MAP2K6: variants seen among roughly 807,000 people sequenced by gnomAD.
MAP2K6 encodes the protein mitogen-activated protein kinase kinase 6, also known as dual specificity mitogen-activated protein kinase kinase 6.
In MAP2K6, 16 loss-of-function variants were observed where a neutral mutation model predicts 53.7. The ratio of observed to expected loss-of-function variants is 0.30; its 90% CI spans 0.20 to 0.45. MAP2K6 has a LOEUF of 0.45. MAP2K6 is among the 20% of genes least tolerant of loss of function. The pLI is 1.00. For synonymous variants in MAP2K6, 132 were observed against 143.1 expected (o/e 0.92, Z 0.55); for missense variants, 204 against 411.9 (o/e 0.50, Z 4.37).
rs189749939 is a variant in MAP2K6, at chr17:69,538,340, A to C, written c.927+2180A>C. On this transcript the variant is annotated intron_variant, in intron 11 of 11. Coordinates refer to ENST00000590474, the MANE Select transcript of MAP2K6 (RefSeq NM_002758.4). ...GCTGATGTCAAATTCTACATTTGTA[A>C]TATGTTCTAACCCTGTGATATTTTA... is the stretch of plus-strand genomic sequence containing the variant. Among the ~76,000 whole-genome samples the C allele has an allele frequency of 7.9e-5, 12 of 152,356 alleles. No homozygotes were observed. In the East Asian group the frequency reaches 2.3e-3, roughly 29 times the overall value.
At chr17:69,539,264 T>G (rs1423886450) in intron 11 of MAP2K6, among the ~76,000 whole-genome samples, 1 of 152,186 alleles carries the variant, frequency 6.6e-6, no homozygotes, top group Non-Finnish European at 1.5e-5. Context: ...TGTTCACGGA[T>G]CTCCATGTTT....
intron 1 of MAP2K6, among the ~76,000 whole-genome samples, chr17:69,488,286 G>A (rs184868303): frequency 1.3e-5 from 2 of 152,298 alleles, no homozygotes; most frequent in African/African-American, 4.8e-5. Context: ...TGCTGGTGAG[G>A]CTGTAGAGAA....
At chr17:69,458,093 G>T (rs1353593273) in intron 1 of MAP2K6, among the ~76,000 whole-genome samples, 1 of 151,568 alleles carries the variant, frequency 6.6e-6, no homozygotes, top group Admixed American at 6.6e-5. Flanking sequence ...TTGCTCTGTC[G>T]CCCAGGCTGG....
intron 1 of MAP2K6, among the ~76,000 whole-genome samples, chr17:69,490,798 A>G (rs186375617): frequency 1.4e-4 from 22 of 151,998 alleles, no homozygotes; most frequent in Admixed American, 1.2e-3. Context: ...GATTTGTTGT[A>G]CAGATTATTT....
At chr17:69,512,426 G>A (rs139789450) in intron 2 of MAP2K6, among the ~76,000 whole-genome samples, 4,455 of 133,932 alleles carry the variant, frequency 0.033, 193 homozygotes, top group African/African-American at 0.1. Flanking sequence ...CACAACCTCC[G>A]CCTCTTGGGT....
chr17:69,456,785 A>C (rs1464485761), intron 1 of MAP2K6, among the ~76,000 whole-genome samples: 1 of 152,078 alleles, frequency 6.6e-6, no homozygotes, highest in Admixed American at 6.6e-5. Context: ...CTCTTACCCC[A>C]CCTGCCCTTA....
intron 1 of MAP2K6, among the ~76,000 whole-genome samples, chr17:69,443,010 C>A (rs1481904003): frequency 6.6e-6 from 1 of 152,070 alleles, no homozygotes; most frequent in Non-Finnish European, 1.5e-5. Context: ...CCAGAATTTT[C>A]CTGCTTGATT....
chr17:69,536,346 G>A (rs940797061), intron 11 of MAP2K6, among the ~76,000 whole-genome samples, 186 bp downstream of exon 11: 1 of 152,280 alleles, frequency 6.6e-6, no homozygotes, highest in Non-Finnish European at 1.5e-5. Flanking sequence ...AACATAGGTT[G>A]GGACCTGTCA....
At chr17:69,422,493 T>C (rs562452036) in intron 1 of MAP2K6, among the ~76,000 whole-genome samples, 1 of 152,296 alleles carries the variant, frequency 6.6e-6, no homozygotes, top group Non-Finnish European at 1.5e-5. Flanking sequence ...ATTTGCAGCA[T>C]CCCTGTCATC....
At position 69,520,252 on chromosome 17, in the gene MAP2K6, G is replaced by C. The variant is rs1598306418; in HGVS notation, c.367-18G>C. On this transcript the variant is annotated intron_variant, in intron 5 of 11. Transcript: ENST00000590474. ...TTTTTCATCCTTTTAAACAATTCCT[G>C]AAACAATTGGTCTCCAGGGTGATGT... is the stretch of plus-strand genomic sequence containing the variant. 7.9e-7 allele frequency: 1 copy of C among 1,270,998 alleles called. No individual in the cohort carries two copies. The highest frequency in any genetic ancestry group is 2.4e-5 in the East Asian group (1 of 41,424). 78.7% of individuals were successfully genotyped at this position (1,270,998 alleles called of 1,614,324 possible). A position where few individuals can be genotyped will look rare whatever the true frequency, so the allele number is the denominator to read the frequency against.
At chr17:69,498,914 G>A (rs569464630) in intron 1 of MAP2K6, among the ~76,000 whole-genome samples, 12 of 152,324 alleles carry the variant, frequency 7.9e-5, no homozygotes, top group South Asian at 2.1e-4. Context: ...AGCCTGCTAG[G>A]CAGGAGAGAT....
At chr17:69,513,030 G>A (rs1268017364) in intron 2 of MAP2K6, among the ~76,000 whole-genome samples, 1 of 152,160 alleles carries the variant, frequency 6.6e-6, no homozygotes, top group Non-Finnish European at 1.5e-5. Flanking sequence ...TCTTTCCCCA[G>A]AGGACTAAAA....
At chr17:69,469,654 T>C (rs1907922456) in intron 1 of MAP2K6, among the ~76,000 whole-genome samples, 1 of 151,806 alleles carries the variant, frequency 6.6e-6, no homozygotes, top group Admixed American at 6.6e-5. Flanking sequence ...TCCCAGCTAT[T>C]TGGGAGGCTG....
chr17:69,541,803 G>A lies in MAP2K6; in HGVS notation c.*50G>A, dbSNP rs757912579. ...CCCTACTGTGGATTGGTGGGTTTCGGGGTGAAGCAAGTTCACTACAGCATC... is the reference window on the plus strand; with the variant it reads ...CCCTACTGTGGATTGGTGGGTTTCGAGGTGAAGCAAGTTCACTACAGCATC... On this transcript the variant is annotated 3_prime_UTR_variant, in exon 12 of 12. Transcript: ENST00000590474. The A allele has an allele frequency of 2.8e-6, 4 of 1,427,030 alleles. No individual in the cohort carries two copies. The South Asian group carries it at 3.5e-5, about 12-fold the overall frequency. The allele number at this position is 1,427,030 out of a possible 1,614,324, so 88.4% of individuals were successfully genotyped here.
chr17:69,438,326 G>A (rs969755716), intron 1 of MAP2K6, among the ~76,000 whole-genome samples: 1 of 152,110 alleles, frequency 6.6e-6, no homozygotes, highest in African/African-American at 2.4e-5. Context: ...TGGTTACCTT[G>A]GGTTTGGCTT....
At chr17:69,531,168 G>A (rs1393045159) in intron 10 of MAP2K6, among the ~76,000 whole-genome samples, 2 of 151,862 alleles carry the variant, frequency 1.3e-5, no homozygotes, top group African/African-American at 2.4e-5. Context: ...GGGAGACTAC[G>A]GATTTCAAAA....
intron 1 of MAP2K6, among the ~76,000 whole-genome samples, chr17:69,469,756 C>T (rs1284200554): frequency 6.6e-6 from 1 of 152,112 alleles, no homozygotes; most frequent in Non-Finnish European, 1.5e-5. Context: ...TGGAGTGAGA[C>T]TCCATCTCAA....
chr17:69,484,736 C>T (rs1342422962), intron 1 of MAP2K6, among the ~76,000 whole-genome samples: 1 of 152,000 alleles, frequency 6.6e-6, no homozygotes, highest in Non-Finnish European at 1.5e-5. Flanking sequence ...GGAATATTTT[C>T]AGCAATAGGA....
rs1227308048 is a variant in MAP2K6, at chr17:69,552,692, T to C, written c.*10939T>C. 2.0e-5 allele frequency: 3 copies of C among 152,224 alleles called. No individual in the cohort carries two copies. The highest frequency in any genetic ancestry group is 2.0e-4 in the Admixed American group (3 of 15,276). 9.4% of individuals were successfully genotyped at this position (152,224 alleles called of 1,614,324 possible). On this transcript the variant is annotated 3_prime_UTR_variant, in exon 12 of 12. Transcript: ENST00000590474. The stretch of plus-strand genomic sequence containing the variant: ...AACTGTGTTTTTCTATATGGAAATA[T>C]ATGAGCATCAAGTGATAACTTCAAT...
Sources: allele counts gnomAD v4.1 joint callset (sites outside exome capture counted in the v4.1 genomes callset), GRCh38; gene constraint gnomAD v4.1.1; transcripts MANE v1.5; gene names NCBI Gene and HGNC (gene_info 2026-07-23, HGNC 2026-07-21).